Variants in ANK3 observed in about 807,000 individuals in gnomAD.
ANK3 encodes the protein ankyrin 3.
Under a neutral mutation model 370.9 loss-of-function variants are expected in ANK3, and 57 were observed. The observed-to-expected ratio is 0.15, with a 90% CI of 0.12 to 0.19. The LOEUF (loss-of-function observed/expected upper bound fraction) is 0.19. Ranked by LOEUF, ANK3 falls within the 10% of genes least tolerant of loss-of-function variation. The pLI, the probability that ANK3 is intolerant of heterozygous loss-of-function variation, is 1.00. For missense variants in ANK3, 4,439 were observed against 5,302.1 expected, an observed-to-expected ratio of 0.84 and a Z score of 5.06; for synonymous variants, 1,929 against 1,946.3, an observed-to-expected ratio of 0.99 and a Z score of 0.23.
chr10:60,406,255 A>C (rs967507717), intron 2 of ANK3, among the ~76,000 whole-genome samples: 1 of 152,198 alleles, frequency 6.6e-6, no homozygotes, highest in African/African-American at 2.4e-5. Context: ...CTGCATTCCA[A>C]TAAAACTTTA....
chr10:60,522,141 C>A (rs749149715), intron 2 of ANK3, among the ~76,000 whole-genome samples: 4 of 151,988 alleles, frequency 2.6e-5, no homozygotes, highest in Non-Finnish European at 2.9e-5. Context: ...CAATGCAATT[C>A]CTTGCAGCTG....
At chr10:60,519,610 C>T (rs968698977) in intron 2 of ANK3, among the ~76,000 whole-genome samples, 4 of 152,102 alleles carry the variant, frequency 2.6e-5, no homozygotes, top group Non-Finnish European at 5.9e-5. Context: ...TGAAAATGAA[C>T]TAAGAACAAG....
intron 2 of ANK3, among the ~76,000 whole-genome samples, chr10:60,533,259 G>T (rs949025707): frequency 6.6e-6 from 1 of 151,992 alleles, no homozygotes; most frequent in Non-Finnish European, 1.5e-5. Flanking sequence ...TGAGGACTCA[G>T]AACTTTAGAG....
At chr10:60,158,630 T>C (rs1217821055) in intron 23 of ANK3, among the ~76,000 whole-genome samples, 1 of 149,450 alleles carries the variant, frequency 6.7e-6, no homozygotes, top group African/African-American at 2.5e-5. Flanking sequence ...ATAATAGATA[T>C]ACAAAATATT....
At chr10:60,527,301 G>A (rs2076496054) in intron 2 of ANK3, among the ~76,000 whole-genome samples, 1 of 152,080 alleles carries the variant, frequency 6.6e-6, no homozygotes, top group Non-Finnish European at 1.5e-5. Context: ...AGGAAGATAA[G>A]CACCAGATCT....
intron 18 of ANK3, among the ~76,000 whole-genome samples, chr10:60,179,301 C>G (rs1238265279): frequency 6.6e-6 from 1 of 152,186 alleles, no homozygotes; most frequent in Non-Finnish European, 1.5e-5. Context: ...AGGAAAATAA[C>G]TTGTAAAGGA....
chr10:60,563,678 A>C (rs1393616031), intron 2 of ANK3, among the ~76,000 whole-genome samples: 3 of 152,312 alleles, frequency 2.0e-5, no homozygotes, highest in East Asian at 3.9e-4. Context: ...AAGTTAAGGA[A>C]AAAATTTCAG....
In ANK3 at chr10:60,469,013, ATATATACCACTTTTAGTG is replaced by A. The variant is rs1248287369; in HGVS notation, c.96+146155_96+146172del. On this transcript the variant is annotated intron_variant, in intron 2 of 43. Coordinates refer to the ANK3 transcript ENST00000373827. ...TTTTAGTGTGTATATATATATATAT[ATATATACCACTTTTAGTG>A]TATATATATATATATATATATATAC... 1.7e-3 allele frequency among the ~76,000 whole-genome samples: 149 copies of A among 86,416 alleles called. 3 individuals are homozygous for A. Among genetic ancestry groups the A allele is most frequent in the Non-Finnish European group, 3.1e-3 (120 of 38,622 alleles). 56.7% of individuals were successfully genotyped at this position (86,416 alleles called of 152,430 possible). A position where few individuals can be genotyped will look rare whatever the true frequency, so the allele number is the denominator to read the frequency against.
At chr10:60,065,332 A>T (rs1478552710) in intron 38 of ANK3, among the ~76,000 whole-genome samples, 2 of 152,140 alleles carry the variant, frequency 1.3e-5, no homozygotes, top group Non-Finnish European at 1.5e-5. Flanking sequence ...TTCCCACTGT[A>T]TTTTTTTATA....
intron 2 of ANK3, among the ~76,000 whole-genome samples, chr10:60,532,616 GGTTCTCATGCAGT>G (rs1203973010): frequency 1.4e-4 from 21 of 152,162 alleles, no homozygotes; most frequent in African/African-American, 5.1e-4. Flanking sequence ...CCAACTGCAG[GGTTCTCATGCAGT>G]AGAGACTGGG....
chr10:60,621,726 T>C (rs2133329937), intron 1 of ANK3, among the ~76,000 whole-genome samples: 1 of 152,300 alleles, frequency 6.6e-6, no homozygotes, highest in East Asian at 1.9e-4. Context: ...CATCTATGTT[T>C]TTTTCAAGAT....
In ANK3 at chr10:60,712,333, G is replaced by T. The variant is rs76931602; in HGVS notation, c.57+20930C>A. Reference sequence around the variant, plus strand: ...TGCAGGATAAATCAAATGAATGACAGCAATATTATAAGGGATGAAAGGGAG... The same window carrying T: ...TGCAGGATAAATCAAATGAATGACATCAATATTATAAGGGATGAAAGGGAG... On this transcript the variant is annotated intron_variant, in intron 1 of 43. Transcript: ENST00000373827. 2.0e-3 allele frequency among the ~76,000 whole-genome samples: 305 copies of T among 152,308 alleles called. 1 individual carries two copies. Among genetic ancestry groups the T allele is most frequent in the African/African-American group, 7.0e-3 (290 of 41,570 alleles).
intron 2 of ANK3, among the ~76,000 whole-genome samples, chr10:60,485,531 C>T (rs1457537110): frequency 1.3e-5 from 2 of 152,152 alleles, no homozygotes; most frequent in Non-Finnish European, 2.9e-5. Flanking sequence ...GGACACTAAA[C>T]CTCTGGGAGA....
At chr10:60,047,009 G>A (rs902304915) in intron 42 of ANK3, among the ~76,000 whole-genome samples, 55 of 152,042 alleles carry the variant, frequency 3.6e-4, no homozygotes, top group African/African-American at 1.2e-3. Flanking sequence ...GGGTTTCACC[G>A]TGTTAGCCAG....
At chr10:60,486,598 C>A (rs532429321) in intron 2 of ANK3, among the ~76,000 whole-genome samples, 1 of 152,048 alleles carries the variant, frequency 6.6e-6, no homozygotes, top group African/African-American at 2.4e-5. Context: ...AACAATGAAA[C>A]CTATGGTTAT....
At chr10:60,106,968 C>A (rs1275294861) in intron 27 of ANK3, among the ~76,000 whole-genome samples, 2 of 152,086 alleles carry the variant, frequency 1.3e-5, no homozygotes, top group Non-Finnish European at 2.9e-5. Flanking sequence ...AACCCCATTT[C>A]TTAACCTATG....
chr10:60,140,466 A>G (rs1284679524), intron 23 of ANK3: 3 of 1,606,838 alleles, frequency 1.9e-6, no homozygotes, highest in East Asian at 2.2e-5. Flanking sequence ...AAGGAAACCA[A>G]TCCCTGGTTT....
intron 2 of ANK3, among the ~76,000 whole-genome samples, chr10:60,565,521 C>A (rs574392588): frequency 1.3e-5 from 2 of 152,290 alleles, no homozygotes; most frequent in East Asian, 1.9e-4. Flanking sequence ...TTTTGGGAAA[C>A]CCCAGGTCGA....
chr10:60,356,244 T>G (rs2057719918), intron 1 of ANK3, among the ~76,000 whole-genome samples: 1 of 152,202 alleles, frequency 6.6e-6, no homozygotes, highest in Non-Finnish European at 1.5e-5. Context: ...AACACAATTT[T>G]CACAGGAAAT....
Sources: gnomAD v4.1 joint callset for allele counts (sites outside exome capture counted in the v4.1 genomes callset) on GRCh38, gnomAD v4.1.1 for gene constraint, MANE v1.5 for transcripts, NCBI Gene and HGNC (gene_info 2026-07-23, HGNC 2026-07-21) for gene names.